The following PPP2R2B variants were observed in gnomAD, a reference collection of about 807,000 sequenced individuals.
PPP2R2B encodes the protein serine/threonine-protein phosphatase 2A 55 kDa regulatory subunit B beta isoform.
PPP2R2B carries 5 observed loss-of-function variants against 46.0 expected under a neutral mutation model. The observed-to-expected ratio is 0.11, with a 90% CI of 0.06 to 0.23. The LOEUF (loss-of-function observed/expected upper bound fraction) is 0.23. PPP2R2B is among the 10% of genes least tolerant of loss of function. PPP2R2B has a pLI of 1.00. For synonymous variants in PPP2R2B, 215 were observed against 206.7 expected (o/e 1.04, Z -0.34); for missense variants, 367 against 575.0 (o/e 0.64, Z 3.70).
chr5:146,658,870 T>C (rs2151105054), intron 5 of PPP2R2B, among the ~76,000 whole-genome samples: 2 of 152,348 alleles, frequency 1.3e-5, no homozygotes, highest in Middle Eastern at 3.4e-3. Context: ...AATGTTACTT[T>C]TTATATTTAT....
chr5:146,819,005 T>A (rs1192503404), intron 2 of PPP2R2B, among the ~76,000 whole-genome samples: 1 of 152,222 alleles, frequency 6.6e-6, no homozygotes, highest in Non-Finnish European at 1.5e-5. Flanking sequence ...GATGGCCTTC[T>A]CTGCATTTGA....
chr5:146,633,888 T>C (rs1384874164), intron 7 of PPP2R2B, among the ~76,000 whole-genome samples: 1 of 152,200 alleles, frequency 6.6e-6, no homozygotes, highest in East Asian at 1.9e-4. Context: ...AGTCACTGTC[T>C]TGTAGAGTCC....
intron 1 of PPP2R2B, among the ~76,000 whole-genome samples, chr5:147,053,227 C>A (rs79356680): frequency 1.3e-3 from 28 of 21,284 alleles, no homozygotes; most frequent in Non-Finnish European, 1.2e-3. Flanking sequence ...AAAAAAAAAA[C>A]ACACGCGCAC....
At chr5:146,594,732 G>T (rs1178293509) in intron 8 of PPP2R2B, among the ~76,000 whole-genome samples, 2 of 152,202 alleles carry the variant, frequency 1.3e-5, no homozygotes, top group Non-Finnish European at 2.9e-5. Flanking sequence ...ACTCTGAGCT[G>T]CACTAGCAAC....
intron 1 of PPP2R2B, among the ~76,000 whole-genome samples, chr5:147,005,476 G>A (rs1026782724): frequency 1.3e-5 from 2 of 152,180 alleles, no homozygotes; most frequent in Non-Finnish European, 2.9e-5. Context: ...GGAAAGAAAG[G>A]GAGTTCCTAA....
chr5:146,635,909 C>A (rs1403342771), intron 7 of PPP2R2B, among the ~76,000 whole-genome samples: 1 of 152,196 alleles, frequency 6.6e-6, no homozygotes, highest in African/African-American at 2.4e-5. Flanking sequence ...TGACATTGAA[C>A]AATTCATATC....
At position 146,745,156 on chromosome 5, in the gene PPP2R2B, AAGACAGAGAG is replaced by A. The variant is rs1363056351; in HGVS notation, c.71-44024_71-44015del. Among the ~76,000 whole-genome samples the A allele has an allele frequency of 6.5e-3, 688 of 106,102 alleles. 5 individuals are homozygous for A. Among genetic ancestry groups the A allele is most frequent in the African/African-American group, 0.024 (656 of 27,014 alleles). The allele number at this position is 106,102 out of a possible 152,430, so 69.6% of individuals were successfully genotyped here. ...CCCCCAACTCTAAAACGTGCAGAGA[AAGACAGAGAG>A]AGAGAGAGAGAGAGAGAGAGAGAGA... On this transcript the variant is annotated intron_variant, in intron 2 of 9. Coordinates refer to ENST00000394411, the MANE Select transcript of PPP2R2B (RefSeq NM_181675.4).
At chr5:146,921,648 C>T (rs1763612484) in intron 1 of PPP2R2B, among the ~76,000 whole-genome samples, 1 of 152,142 alleles carries the variant, frequency 6.6e-6, no homozygotes, top group Non-Finnish European at 1.5e-5. Context: ...CTTCTCAGCT[C>T]TCAAAATGGA....
chr5:146,627,256 A>G (rs1467863216), intron 7 of PPP2R2B, among the ~76,000 whole-genome samples: 3 of 152,214 alleles, frequency 2.0e-5, no homozygotes, highest in African/African-American at 7.2e-5. Flanking sequence ...AATACTGTTA[A>G]TTATACCTCA....
intron 2 of PPP2R2B, among the ~76,000 whole-genome samples, chr5:146,816,528 A>G (rs1361956900): frequency 6.6e-6 from 1 of 152,246 alleles, no homozygotes. Flanking sequence ...GCATAGAAAA[A>G]TATCCATATC....
chr5:146,962,324 CAG>C (rs965344915), intron 1 of PPP2R2B, among the ~76,000 whole-genome samples: 27 of 149,154 alleles, frequency 1.8e-4, no homozygotes, highest in Non-Finnish European at 1.8e-4. Flanking sequence ...ATTTGGTAGA[CAG>C]AGAGAGAGAG....
At chr5:146,832,887 A>C (rs1271676777) in intron 2 of PPP2R2B, among the ~76,000 whole-genome samples, 1 of 151,768 alleles carries the variant, frequency 6.6e-6, no homozygotes, top group Non-Finnish European at 1.5e-5. Flanking sequence ...GTGTAAGTAC[A>C]CTCTGGTGTT....
At chr5:146,599,507 G>A (rs1229061460) in intron 8 of PPP2R2B, among the ~76,000 whole-genome samples, 1 of 152,174 alleles carries the variant, frequency 6.6e-6, no homozygotes, top group Admixed American at 6.5e-5. Context: ...AGGCAAAACA[G>A]CCTACTGTAT....
intron 2 of PPP2R2B, among the ~76,000 whole-genome samples, chr5:146,711,762 C>T (rs1487072142): frequency 6.6e-6 from 1 of 152,074 alleles, no homozygotes; most frequent in African/African-American, 2.4e-5. Flanking sequence ...TGGTACTTGC[C>T]CTTGTGAAAC....
intron 7 of PPP2R2B, among the ~76,000 whole-genome samples, chr5:146,627,171 G>A (rs2151065279): frequency 6.6e-6 from 1 of 152,300 alleles, no homozygotes; most frequent in South Asian, 2.1e-4. Flanking sequence ...GTGTGTGTTT[G>A]CAATCCTGCC....
chr5:146,893,665 G>T (rs79362000), intron 1 of PPP2R2B, among the ~76,000 whole-genome samples: 2,505 of 152,002 alleles, frequency 0.016, 70 homozygotes, highest in African/African-American at 0.057. Context: ...AATACAAAAT[G>T]AGAACACATG....
At chr5:147,080,138 A>G (rs772810413) in intron 2 of PPP2R2B, among the ~76,000 whole-genome samples, 3 of 152,158 alleles carry the variant, frequency 2.0e-5, no homozygotes, top group Non-Finnish European at 4.4e-5. Flanking sequence ...CCTCAGATTA[A>G]TCTTTGCTTG....
At chr5:146,621,316 A>T (rs900603480) in intron 7 of PPP2R2B, among the ~76,000 whole-genome samples, 1 of 152,264 alleles carries the variant, frequency 6.6e-6, no homozygotes, top group South Asian at 2.1e-4. Context: ...TTATGGAGAC[A>T]AAGAAATGAT....
chr5:146,975,921 A>G (rs1394420643), intron 1 of PPP2R2B, among the ~76,000 whole-genome samples: 1 of 151,770 alleles, frequency 6.6e-6, no homozygotes, highest in Non-Finnish European at 1.5e-5. Flanking sequence ...CTCCCATTCT[A>G]TAGGTTACAT....
Sources: gnomAD v4.1 joint callset for allele counts (sites outside exome capture counted in the v4.1 genomes callset) on GRCh38, gnomAD v4.1.1 for gene constraint, MANE v1.5 for transcripts, NCBI Gene and HGNC (gene_info 2026-07-23, HGNC 2026-07-21) for gene names.